Variants in ACVRL1 observed in about 807,000 individuals in gnomAD.
ACVRL1 encodes activin A receptor like type 1.
In ACVRL1, 20 loss-of-function variants were observed where a neutral mutation model predicts 51.9. That is an observed-to-expected ratio of 0.39 (90% CI 0.27 to 0.56). ACVRL1 has a LOEUF of 0.56. Among genes scored for constraint, ACVRL1 ranks in the 20% least tolerant of loss-of-function variants. The probability of loss-of-function intolerance (pLI) is 0.67; values close to 1 mark genes in which losing one functional copy is unlikely to be tolerated. For missense variants in ACVRL1, 451 were observed against 670.3 expected (o/e 0.67, Z 3.61); for synonymous variants, 288 against 280.9 (o/e 1.03, Z -0.25).
intron 5 of ACVRL1, 148 bp from the exon 6 acceptor site, chr12:51,914,291 G>A: frequency 7.5e-7 from 1 of 1,337,802 alleles, no homozygotes; most frequent in African/African-American, 1.5e-5. Flanking sequence ...GCCTGCCACT[G>A]GGTTTGGGTC....
Position 51,921,093 on chromosome 12 carries a change from A to C in ACVRL1, c.*200A>C. ...TGATCCCCTGCTGTCTGGCCTGCTC[A>C]AAGCGGCAGGCTCCCTGACGCCTGG... is the stretch of plus-strand genomic sequence containing the variant. On this transcript the variant is annotated 3_prime_UTR_variant, in exon 10 of 10. Coordinates refer to ENST00000388922, the MANE Select transcript of ACVRL1 (RefSeq NM_000020.3). 3.1e-6 allele frequency: 2 copies of C among 648,254 alleles called. No individual in the cohort carries two copies. 40.2% of individuals were successfully genotyped at this position (648,254 alleles called of 1,614,324 possible).
At chr12:51,915,525 G>T (rs746732256) in intron 7 of ACVRL1, 25 bp downstream of exon 7, 1 of 1,595,874 alleles carries the variant, frequency 6.3e-7, no homozygotes, top group East Asian at 2.2e-5. Context: ...GCAGGGGCGC[G>T]CCCTTCACAG....
chr12:51,919,361 CTCTG>C (rs200979126), intron 9 of ACVRL1: 2 of 524,320 alleles, frequency 3.8e-6, no homozygotes, highest in African/African-American at 4.7e-5. Context: ...CTATCTGTGG[CTCTG>C]TGTGTGTGTG....
chr12:51,914,262 C>G (rs558220758), intron 5 of ACVRL1, among the ~76,000 whole-genome samples, 177 bp from the exon 6 acceptor site: 1 of 152,088 alleles, frequency 6.6e-6, no homozygotes, highest in African/African-American at 2.4e-5. Context: ...CGGGGTGGAA[C>G]GAGAGGCAGC....
At chr12:51,908,192 T>A (rs1940631575) in intron 1 of ACVRL1, among the ~76,000 whole-genome samples, 1 of 152,148 alleles carries the variant, frequency 6.6e-6, no homozygotes, top group Non-Finnish European at 1.5e-5. Context: ...TAGGCGCGCA[T>A]GGTCAGTCAC....
At chr12:51,914,356 G>C (rs1940776764) in intron 5 of ACVRL1, 83 bp from the exon 6 acceptor site, 1 of 1,592,714 alleles carries the variant, frequency 6.3e-7, no homozygotes. Flanking sequence ...GGGCGAGGGA[G>C]GCAGCGCAGC....
chr12:51,915,936 TC>T, intron 7 of ACVRL1, 99 bp from the exon 8 acceptor site: 1 of 1,344,308 alleles, frequency 7.4e-7, no homozygotes. Context: ...CCATCTGCCT[TC>T]CCCTCTCTGT....
At chr12:51,912,914 G>C (rs533229454) in intron 2 of ACVRL1, among the ~76,000 whole-genome samples, 185 bp from the exon 3 acceptor site, 1 of 152,248 alleles carries the variant, frequency 6.6e-6, no homozygotes, top group Non-Finnish European at 1.5e-5. Flanking sequence ...CTGCTTTTCA[G>C]AGTGTCAGCT....
intron 1 of ACVRL1, among the ~76,000 whole-genome samples, chr12:51,911,476 C>T (rs981005895): frequency 9.2e-5 from 14 of 152,198 alleles, no homozygotes; most frequent in Admixed American, 4.6e-4. Flanking sequence ...GGGAACAGCT[C>T]CGAGAGGGCA....
intron 6 of ACVRL1, 93 bp from the exon 7 acceptor site, chr12:51,915,132 T>G: frequency 2.9e-6 from 4 of 1,380,166 alleles, no homozygotes; most frequent in East Asian, 2.3e-5. Context: ...ACCCAGTCCA[T>G]TCCCTCTCCC....
At chr12:51,907,297 G>A (rs1269231046), upstream of ACVRL1, 1 of 152,182 alleles carries the variant, frequency 6.6e-6, no homozygotes, top group Non-Finnish European at 1.5e-5. The surrounding 1 kb of genome is among the most constrained non-coding windows in gnomAD (Gnocchi z 4.5). Context: ...CAGCGACCCG[G>A]GAGCTGCGGG....
chr12:51,915,552 C>A (rs980556899), intron 7 of ACVRL1, 52 bp downstream of exon 7: 2 of 1,568,122 alleles, frequency 1.3e-6, no homozygotes, highest in African/African-American at 1.3e-5. Context: ...GGAGCTTGTG[C>A]GCTCTCCTCT....
At chr12:51,911,282 T>C (rs147257175) in intron 1 of ACVRL1, among the ~76,000 whole-genome samples, 18 of 152,294 alleles carry the variant, frequency 1.2e-4, no homozygotes, top group African/African-American at 3.1e-4. Context: ...GGGACCTGGA[T>C]TGGGGACTAT....
chr12:51,915,428 A>G lies in ACVRL1; in HGVS notation c.976A>G (p.Ile326Val), dbSNP rs1018872355. Residue 326 changes from isoleucine (I) to valine (V), a missense_variant, in exon 7 of 10, where the codon ATT becomes GTT. Physicochemically the swap from Ile to Val is conservative, Grantham distance 29 (BLOSUM62 3). Transcript: ENST00000388922. ...EIFGTQGKPAIAHRDFKSRNV... is the reference protein window; with the variant it reads ...EIFGTQGKPAVAHRDFKSRNV... ...CTTCGGTACACAGGGCAAACCAGCC[A>G]TTGCCCACCGCGACTTCAAGAGCCG... 6.2e-7 allele frequency: 1 copy of G among 1,613,778 alleles called. No homozygotes were observed. The highest frequency in any genetic ancestry group is 8.5e-7 in the Non-Finnish European group (1 of 1,180,034).
In ACVRL1 at chr12:51,913,125, C is replaced by T. The variant is rs149664056; in HGVS notation, c.88C>T (p.Pro30Ser). 1.8e-4 allele frequency: 287 copies of T among 1,606,178 alleles called. No homozygotes were observed. The highest frequency in any genetic ancestry group is 9.0e-4 in the Middle Eastern group (4 of 4,452). The change falls in exon 3 of 10, where the codon CCG (proline) becomes TCG (serine). Residue 30 changes from proline to serine, a missense_variant. This residue lies in a region of ACVRL1 where 192 missense variants were observed against 216.9 expected (regional missense o/e 0.89). Coordinates refer to ENST00000388922, the MANE Select transcript of ACVRL1 (RefSeq NM_000020.3). ...QGDPVKPSRG[P>S]LVTCTCESPH... ...AGACCCTGTGAAGCCGTCTCGGGGCCCGCTGGTGACCTGCACGTGTGAGAG... is the reference window on the plus strand; with the variant it reads ...AGACCCTGTGAAGCCGTCTCGGGGCTCGCTGGTGACCTGCACGTGTGAGAG...
rs767447976 is a variant in ACVRL1 at position 51,913,120 on chromosome 12, G to C, written c.83G>C (p.Arg28Pro). 6 of 1,605,650 alleles carry C rather than the reference G, an allele frequency of 3.7e-6. No individual in the cohort carries two copies. The highest frequency in any genetic ancestry group is 2.2e-5 in the East Asian group (1 of 44,774). ...CCAGGAGACCCTGTGAAGCCGTCTC[G>C]GGGCCCGCTGGTGACCTGCACGTGT... ...VTQGDPVKPS[R>P]GPLVTCTCES... The change falls in exon 3 of 10, where the codon CGG becomes CCG. Residue 28 changes from arginine to proline, a missense_variant. Transcript: ENST00000388922.
In ACVRL1 at chr12:51,917,723, G is replaced by A. The variant is rs377295402; in HGVS notation, c.1247-1262G>A. 1.6e-4 allele frequency among the ~76,000 whole-genome samples: 24 copies of A among 152,258 alleles called. No individual in the cohort carries two copies. Among genetic ancestry groups the A allele is most frequent in the East Asian group, 9.7e-4 (5 of 5,174 alleles). ...GGTGCTTAGATTCCTCAAGACTCCG[G>A]GCATGAATTGCCAGAGTGGGCTCTA... On this transcript the variant is annotated intron_variant, in intron 8 of 9. Coordinates refer to ENST00000388922, the MANE Select transcript of ACVRL1 (RefSeq NM_000020.3). This position sits in a 1 kb window ranked among gnomAD's most constrained non-coding sequence, Gnocchi z 4.2.
chr12:51,915,698 T>C, intron 7 of ACVRL1, 198 bp downstream of exon 7: 1 of 802,098 alleles, frequency 1.2e-6, no homozygotes, highest in Non-Finnish European at 1.9e-6. Context: ...CATACCATCC[T>C]GGCTCCAGGA....
intron 8 of ACVRL1, 91 bp downstream of exon 8, chr12:51,916,324 G>A: frequency 7.0e-7 from 1 of 1,438,548 alleles, no homozygotes; most frequent in Non-Finnish European, 9.4e-7. Context: ...TGGCCTGGGA[G>A]GTTTGCAGTC....
Sources: allele counts gnomAD v4.1 joint callset (sites outside exome capture counted in the v4.1 genomes callset), GRCh38; gene constraint gnomAD v4.1.1; regional missense constraint gnomAD v4.1.1; non-coding constraint Gnocchi (gnomAD v3.1); transcripts MANE v1.5; gene names NCBI Gene and HGNC (gene_info 2026-07-23, HGNC 2026-07-21).